LRMDA: variants seen among roughly 807,000 people sequenced by gnomAD.
LRMDA encodes the protein leucine rich melanocyte differentiation associated, also known as leucine-rich melanocyte differentiation-associated protein.
Under a neutral mutation model 29.8 loss-of-function variants are expected in LRMDA, and 18 were observed. The observed-to-expected ratio is 0.60, with a 90% CI of 0.42 to 0.90. The LOEUF (loss-of-function observed/expected upper bound fraction) is 0.90. Ranked by LOEUF, LRMDA falls within the 40% of genes least tolerant of loss-of-function variation. The probability of loss-of-function intolerance (pLI) is 0.00; values close to 1 mark genes in which losing one functional copy is unlikely to be tolerated. For missense variants in LRMDA, 273 were observed against 273.9 expected, an observed-to-expected ratio of 1.00 and a Z score of 0.02; for synonymous variants, 125 against 109.4, an observed-to-expected ratio of 1.14 and a Z score of -0.89.
At chr10:76,059,797 T>C (rs1430529432) in intron 5 of LRMDA, among the ~76,000 whole-genome samples, 1 of 152,248 alleles carries the variant, frequency 6.6e-6, no homozygotes, top group Non-Finnish European at 1.5e-5. Flanking sequence ...CTCAGGCCAC[T>C]TTCTTTCCCT....
chr10:75,698,051 T>G (rs1025580008), intron 2 of LRMDA, among the ~76,000 whole-genome samples: 3 of 152,174 alleles, frequency 2.0e-5, no homozygotes, highest in South Asian at 2.1e-4. Context: ...ATGGGAAAAC[T>G]AAGTTATGGA....
intron 2 of LRMDA, among the ~76,000 whole-genome samples, chr10:75,633,663 G>T (rs1196697550): frequency 6.6e-6 from 1 of 152,170 alleles, no homozygotes; most frequent in Admixed American, 6.5e-5. Context: ...TATCAAAGTG[G>T]ACTTGGGAAA....
chr10:75,667,637 G>T (rs1028803383), intron 2 of LRMDA, among the ~76,000 whole-genome samples: 1 of 152,178 alleles, frequency 6.6e-6, no homozygotes, highest in Admixed American at 6.5e-5. Context: ...GCCAGGCTTT[G>T]TCACTGTTGG....
chr10:75,819,133 A>G (rs1471280418), intron 2 of LRMDA, among the ~76,000 whole-genome samples: 1 of 152,208 alleles, frequency 6.6e-6, no homozygotes, highest in Non-Finnish European at 1.5e-5. Context: ...TACAATAAAA[A>G]TTGTAGTGAG....
At chr10:75,859,175 C>T (rs1469511107) in intron 2 of LRMDA, among the ~76,000 whole-genome samples, 1 of 152,102 alleles carries the variant, frequency 6.6e-6, no homozygotes, top group Non-Finnish European at 1.5e-5. Flanking sequence ...AATGAATGGC[C>T]TTATTATGGG....
intron 2 of LRMDA, among the ~76,000 whole-genome samples, chr10:75,978,411 C>A (rs1443813686): frequency 2.6e-5 from 4 of 152,186 alleles, no homozygotes; most frequent in Admixed American, 6.5e-5. Context: ...GAGGAAGGAA[C>A]AAACAGGAGT....
chr10:76,352,255 T>C (rs1276099629), intron 6 of LRMDA, among the ~76,000 whole-genome samples: 2 of 152,140 alleles, frequency 1.3e-5, no homozygotes, highest in East Asian at 3.9e-4. Context: ...TGTGTGTACA[T>C]TTATAACTGT....
At chr10:76,008,436 C>T (rs1847713278) in intron 2 of LRMDA, among the ~76,000 whole-genome samples, 1 of 152,146 alleles carries the variant, frequency 6.6e-6, no homozygotes, top group East Asian at 1.9e-4. Flanking sequence ...TGCACCCTTT[C>T]TCCAGTTGAC....
intron 2 of LRMDA, among the ~76,000 whole-genome samples, chr10:75,653,898 T>C (rs1841633414): frequency 6.6e-6 from 1 of 152,214 alleles, no homozygotes; most frequent in Non-Finnish European, 1.5e-5. Context: ...AGGTATACCC[T>C]TTTTCCACGT....
chr10:75,536,695 A>C (rs1390090228), intron 2 of LRMDA, among the ~76,000 whole-genome samples: 1 of 152,002 alleles, frequency 6.6e-6, no homozygotes, highest in Admixed American at 6.6e-5. Flanking sequence ...TGGGGCTATA[A>C]TTCTTAAATT....
intron 2 of LRMDA, among the ~76,000 whole-genome samples, chr10:75,492,749 T>G (rs985229799): frequency 5.9e-5 from 9 of 152,260 alleles, no homozygotes; most frequent in African/African-American, 2.2e-4. Context: ...GTTAATGTTA[T>G]CTACATATGT....
chr10:75,726,824 C>G (rs1336353988), intron 2 of LRMDA, among the ~76,000 whole-genome samples: 1 of 152,164 alleles, frequency 6.6e-6, no homozygotes, highest in African/African-American at 2.4e-5. Flanking sequence ...AGTCCCTGCC[C>G]ACATCCAACA....
At chr10:75,751,345 A>G (rs892071685) in intron 2 of LRMDA, among the ~76,000 whole-genome samples, 5 of 147,980 alleles carry the variant, frequency 3.4e-5, no homozygotes, top group African/African-American at 7.5e-5. Flanking sequence ...GGAGAGGGAG[A>G]GGGAGACTGG....
At chr10:75,499,828 T>C (rs1206687638) in intron 2 of LRMDA, among the ~76,000 whole-genome samples, 2 of 151,974 alleles carry the variant, frequency 1.3e-5, no homozygotes, top group Non-Finnish European at 2.9e-5. Flanking sequence ...GGTACCAAGG[T>C]GTCTAGAGCC....
chr10:76,130,250 C>T (rs1256940939), intron 5 of LRMDA, among the ~76,000 whole-genome samples: 1 of 152,028 alleles, frequency 6.6e-6, no homozygotes, highest in Non-Finnish European at 1.5e-5. Flanking sequence ...ACACCTCTAG[C>T]CGTAAATATT....
intron 2 of LRMDA, among the ~76,000 whole-genome samples, chr10:75,630,345 A>G (rs1471133388): frequency 6.6e-6 from 1 of 152,256 alleles, no homozygotes; most frequent in Admixed American, 6.5e-5. Flanking sequence ...GGACTAGCAT[A>G]GTTTCGGAGA....
chr10:75,431,799 TGG>T, intron 1 of LRMDA, 45 bp downstream of exon 1: 1 of 1,319,490 alleles, frequency 7.6e-7, no homozygotes, highest in Non-Finnish European at 9.7e-7. Context: ...GCAGTCCGCG[TGG>T]GGAGGGACAG....
At chr10:75,473,930 T>TC (rs1844757756) in intron 2 of LRMDA, among the ~76,000 whole-genome samples, 1 of 152,162 alleles carries the variant, frequency 6.6e-6, no homozygotes, top group East Asian at 1.9e-4. Context: ...TTAGGCTCTA[T>TC]CCTATTGAGT....
intron 5 of LRMDA, among the ~76,000 whole-genome samples, chr10:76,185,799 T>A (rs11001675): frequency 0.13 from 19,943 of 152,184 alleles, 2,149 homozygotes; most frequent in African/African-American, 0.29. Flanking sequence ...AAGTACATTT[T>A]TTTTTAAAAA....
Sources: gnomAD v4.1 joint callset for allele counts (sites outside exome capture counted in the v4.1 genomes callset) on GRCh38, gnomAD v4.1.1 for gene constraint, MANE v1.5 for transcripts, NCBI Gene and HGNC (gene_info 2026-07-23, HGNC 2026-07-21) for gene names.